VAV3: variants seen among roughly 807,000 people sequenced by gnomAD.
VAV3 encodes guanine nucleotide exchange factor VAV3.
VAV3 carries 94 observed loss-of-function variants against 131.2 expected under a neutral mutation model. The observed-to-expected ratio is 0.72, with a 90% CI of 0.61 to 0.85. The LOEUF (loss-of-function observed/expected upper bound fraction) is 0.85. Among genes scored for constraint, VAV3 ranks in the 40% least tolerant of loss-of-function variants. VAV3 has a pLI of 0.00. For synonymous variants in VAV3, 349 were observed against 342.0 expected, an observed-to-expected ratio of 1.02 and a Z score of -0.22; for missense variants, 939 against 1,002.7, an observed-to-expected ratio of 0.94 and a Z score of 0.86.
At chr1:107,785,733 T>C (rs1570951754) in intron 2 of VAV3, 2 of 900,610 alleles carry the variant, frequency 2.2e-6, no homozygotes, top group African/African-American at 1.8e-5. Flanking sequence ...GACAGAAGCA[T>C]AGTCTGTAGA....
At chr1:107,870,558 T>A (rs1384910897) in intron 2 of VAV3, among the ~76,000 whole-genome samples, 3 of 152,160 alleles carry the variant, frequency 2.0e-5, no homozygotes, top group Non-Finnish European at 4.4e-5. Flanking sequence ...GTGTATAGAT[T>A]GTGAAGAATT....
intron 2 of VAV3, among the ~76,000 whole-genome samples, chr1:107,794,841 A>G (rs184860910): frequency 4.1e-4 from 62 of 152,346 alleles, no homozygotes; most frequent in Middle Eastern, 6.8e-3. Flanking sequence ...AGAGAAAATA[A>G]TCCTCTCAAA....
intron 2 of VAV3, among the ~76,000 whole-genome samples, chr1:107,854,383 T>C (rs565336475): frequency 1.5e-4 from 23 of 152,156 alleles, no homozygotes; most frequent in Non-Finnish European, 2.5e-4. Flanking sequence ...AACAGATACA[T>C]ATTTACCTTA....
intron 7 of VAV3, among the ~76,000 whole-genome samples, chr1:107,767,517 T>C (rs1664801279): frequency 1.3e-5 from 2 of 152,208 alleles, no homozygotes; most frequent in Admixed American, 6.5e-5. Context: ...TCAGCTGATA[T>C]TGTGCATGTT....
At chr1:107,671,383 G>T (rs1157467444) in intron 19 of VAV3, among the ~76,000 whole-genome samples, 1 of 152,178 alleles carries the variant, frequency 6.6e-6, no homozygotes, top group South Asian at 2.1e-4. Flanking sequence ...ACTTCTCCAA[G>T]AAAGTCTATT....
chr1:107,587,563 T>TTGTA (rs1224389782), intron 25 of VAV3, among the ~76,000 whole-genome samples: 3 of 152,080 alleles, frequency 2.0e-5, no homozygotes, highest in Admixed American at 6.5e-5. Context: ...GTATGTATGT[T>TTGTA]TGTATGTATG....
At position 107,777,387 on chromosome 1, in the gene VAV3, G is replaced by C. The variant is rs145669023; in HGVS notation, c.381-91C>G. On this transcript the variant is annotated intron_variant, in intron 3 of 26. Transcript: ENST00000370056. ...TGCGCACTTAACCCTCACTAAATATGTAAGTTGTCTGCTGCCAAAATGGTC... is the reference window on the plus strand; with the variant it reads ...TGCGCACTTAACCCTCACTAAATATCTAAGTTGTCTGCTGCCAAAATGGTC... The C allele has an allele frequency of 5.9e-6, 7 of 1,179,172 alleles. No individual in the cohort carries two copies. The African/African-American group carries it at 1.1e-4, about 18-fold the overall frequency. 73.0% of individuals were successfully genotyped at this position (1,179,172 alleles called of 1,614,324 possible).
At chr1:107,955,637 T>C (rs1229904341) in intron 1 of VAV3, among the ~76,000 whole-genome samples, 1 of 152,096 alleles carries the variant, frequency 6.6e-6, no homozygotes, top group African/African-American at 2.4e-5. Context: ...ACTCTTGAAC[T>C]GAATCTACAA....
chr1:107,574,028 A>G lies in VAV3; in HGVS notation c.2502+19T>C, dbSNP rs1334909757. The G allele has an allele frequency of 1.2e-6, 2 of 1,612,676 alleles. No homozygotes were observed. The highest frequency in any genetic ancestry group is 2.7e-5 in the African/African-American group (2 of 75,004). ...CCCCTTCTTTCACATGCACCAGCACATCGAGAGGGCCAACTTACCCTGCCA... is the reference window on the plus strand; with the variant it reads ...CCCCTTCTTTCACATGCACCAGCACGTCGAGAGGGCCAACTTACCCTGCCA... On this transcript the variant is annotated intron_variant, in intron 26 of 26. Transcript: ENST00000370056.
intron 2 of VAV3, among the ~76,000 whole-genome samples, chr1:107,865,667 C>T (rs2100995581): frequency 6.6e-6 from 1 of 152,268 alleles, no homozygotes; most frequent in South Asian, 2.1e-4. Flanking sequence ...CTCTTATAAA[C>T]AACAGGGATC....
At chr1:107,881,363 C>G (rs1399236385) in intron 1 of VAV3, among the ~76,000 whole-genome samples, 3 of 152,168 alleles carry the variant, frequency 2.0e-5, no homozygotes, top group African/African-American at 7.2e-5. Flanking sequence ...ATAACTGTAC[C>G]TCTCTCTGCC....
At chr1:107,748,699 A>G (rs1252907768) in intron 15 of VAV3, among the ~76,000 whole-genome samples, 1 of 152,226 alleles carries the variant, frequency 6.6e-6, no homozygotes, top group Non-Finnish European at 1.5e-5. Flanking sequence ...GAGCTAAAGA[A>G]CTAAAACATG....
intron 2 of VAV3, among the ~76,000 whole-genome samples, chr1:107,789,215 T>A (rs1557848396): frequency 6.6e-6 from 1 of 152,256 alleles, no homozygotes; most frequent in East Asian, 1.9e-4. Flanking sequence ...TGGGACAAAG[T>A]CAACACATTT....
intron 20 of VAV3, among the ~76,000 whole-genome samples, chr1:107,638,775 G>A (rs1027566689): frequency 6.6e-6 from 1 of 151,998 alleles, no homozygotes; most frequent in Non-Finnish European, 1.5e-5. Context: ...CTGACTTCAG[G>A]ACGTCTTATT....
chr1:107,749,452 A>G lies in VAV3; in HGVS notation c.1392+10T>C, dbSNP rs759897458. The G allele has an allele frequency of 1.3e-6, 2 of 1,585,454 alleles. No individual in the cohort carries two copies. The highest frequency in any genetic ancestry group is 3.4e-4 in the Middle Eastern group (2 of 5,908). ...AAGTAAATTACAGTTATTAGTTTCC[A>G]AAAAGTCACCTTTTTGTTTTCTTTA... is the stretch of plus-strand genomic sequence containing the variant. On this transcript the variant is annotated intron_variant, in intron 14 of 26. Transcript: ENST00000370056.
At chr1:107,907,166 G>A (rs768124131) in intron 1 of VAV3, among the ~76,000 whole-genome samples, 6 of 152,098 alleles carry the variant, frequency 3.9e-5, no homozygotes, top group African/African-American at 7.2e-5. Flanking sequence ...CCACACAATC[G>A]GACTCGGAAA....
chr1:107,598,128 C>T (rs1404566682), intron 24 of VAV3, among the ~76,000 whole-genome samples: 17 of 151,992 alleles, frequency 1.1e-4, no homozygotes, highest in African/African-American at 2.4e-5. Context: ...CTGAGGCAGG[C>T]GGATCACCTG....
intron 20 of VAV3, among the ~76,000 whole-genome samples, chr1:107,633,694 T>A (rs1380304296): frequency 6.6e-6 from 1 of 152,112 alleles, no homozygotes; most frequent in Non-Finnish European, 1.5e-5. Context: ...CCAGCTCTGG[T>A]GTTTAGGCTT....
At chr1:107,761,607 A>G (rs1664435278) in intron 9 of VAV3, among the ~76,000 whole-genome samples, 2 of 152,014 alleles carry the variant, frequency 1.3e-5, no homozygotes, top group South Asian at 2.1e-4. Flanking sequence ...AGTTCCCTCA[A>G]CTATGATGTG....
Sources: gnomAD v4.1 joint callset for allele counts (sites outside exome capture counted in the v4.1 genomes callset) on GRCh38, gnomAD v4.1.1 for gene constraint, MANE v1.5 for transcripts, NCBI Gene and HGNC (gene_info 2026-07-23, HGNC 2026-07-21) for gene names.